LAP3: variants seen among roughly 807,000 people sequenced by gnomAD.
LAP3 encodes the protein leucine aminopeptidase 3.
In LAP3, 46 loss-of-function variants were observed where a neutral mutation model predicts 58.8. That is an observed-to-expected ratio of 0.78 (90% CI 0.62 to 1.00). The LOEUF is 1.00. Ranked by LOEUF, LAP3 falls within the 50% of genes least tolerant of loss-of-function variation. The pLI is 0.00. For synonymous variants in LAP3, 257 were observed against 237.7 expected (o/e 1.08, Z -0.75); for missense variants, 615 against 659.1 (o/e 0.93, Z 0.73).
rs1713471932 is a variant in LAP3, at chr4:17,585,131, T to C, written c.699T>C (p.His233=). 2.5e-6 allele frequency: 4 copies of C among 1,611,980 alleles called. No individual in the cohort carries two copies. ...LKSASSKTEV[H]IRPKSWIEEQ... ...GTGCTAGTAGTAAAACCGAGGTCCA[T>C]ATCAGGTAATTCAGGATTGTGTCAC... is the stretch of plus-strand genomic sequence containing the variant. The change falls in exon 6 of 13, where the codon CAT becomes CAC. Residue 233 remains histidine, a synonymous_variant. Transcript: ENST00000226299.
chr4:17,591,991 T>C (rs1179966488), intron 7 of LAP3, among the ~76,000 whole-genome samples: 1 of 151,988 alleles, frequency 6.6e-6, no homozygotes, highest in Non-Finnish European at 1.5e-5. Flanking sequence ...TGCAGTGGCA[T>C]ACACCTGTAA....
intron 11 of LAP3, 89 bp from the exon 12 acceptor site, chr4:17,606,740 C>T: frequency 1.3e-6 from 1 of 753,448 alleles, no homozygotes; most frequent in Non-Finnish European, 2.3e-6. Flanking sequence ...GTTAGAACAA[C>T]TCTTCCTTCA....
At chr4:17,605,353 A>G (rs1447697328) in intron 11 of LAP3, among the ~76,000 whole-genome samples, 5 of 151,996 alleles carry the variant, frequency 3.3e-5, no homozygotes, top group Non-Finnish European at 7.4e-5. Context: ...CTGGTGTTCA[A>G]TTCAAGGCCA....
chr4:17,582,489 T>TA, intron 4 of LAP3, 96 bp downstream of exon 4: 1 of 849,634 alleles, frequency 1.2e-6, no homozygotes, highest in Admixed American at 2.3e-5. Context: ...TGCCACCCCT[T>TA]ACCACGTTCA....
At chr4:17,587,431 T>TG (rs1318699156) in intron 6 of LAP3, 135 of 22,780 alleles carry the variant, frequency 5.9e-3, no homozygotes, top group African/African-American at 0.012. Context: ...TTGTTGTTGT[T>TG]TTTTTTTTTT....
intron 10 of LAP3, among the ~76,000 whole-genome samples, chr4:17,599,407 G>A (rs1008628445): frequency 4.6e-5 from 7 of 152,062 alleles, no homozygotes; most frequent in African/African-American, 9.7e-5. Flanking sequence ...TGTGTGGCAC[G>A]TGCCTGTAAT....
At chr4:17,592,434 G>T (rs1180532658) in intron 7 of LAP3, among the ~76,000 whole-genome samples, 1 of 152,164 alleles carries the variant, frequency 6.6e-6, no homozygotes, top group African/African-American at 2.4e-5. Context: ...TCAATTGTAT[G>T]GAAATGCCAA....
chr4:17,580,609 C>G lies in LAP3; in HGVS notation c.218+670C>G, dbSNP rs575603170. ...CCCAGCTGCCTTCCCACCAGCCTCT[C>G]TACTTCTTTTAACTCCCCTTTTCTT... On this transcript the variant is annotated intron_variant, in intron 2 of 12. Coordinates refer to ENST00000226299, the MANE Select transcript of LAP3 (RefSeq NM_015907.3). Among the ~76,000 whole-genome samples the G allele has an allele frequency of 5.9e-5, 9 of 152,302 alleles. No individual in the cohort carries two copies. The East Asian group carries it at 1.7e-3, about 29-fold the overall frequency.
chr4:17,606,109 A>G (rs959060870), intron 11 of LAP3, among the ~76,000 whole-genome samples: 1 of 152,124 alleles, frequency 6.6e-6, no homozygotes, highest in Admixed American at 6.5e-5. Context: ...GTAAACGATG[A>G]ATGAGTGAGT....
At chr4:17,598,380 C>A (rs1248010925) in intron 9 of LAP3, 76 bp from the exon 10 acceptor site, 2 of 1,071,392 alleles carry the variant, frequency 1.9e-6, no homozygotes, top group East Asian at 2.4e-5. Context: ...ACTTTTCCGT[C>A]GAACACTGTT....
chr4:17,605,118 C>CCACA (rs10609509), intron 11 of LAP3, among the ~76,000 whole-genome samples: 1,986 of 147,018 alleles, frequency 0.014, 34 homozygotes, highest in African/African-American at 0.044. Context: ...ACCCTCACTT[C>CCACA]CACACACACA....
intron 3 of LAP3, 99 bp downstream of exon 3, chr4:17,581,913 T>C (rs1713374462): frequency 5.1e-6 from 5 of 983,918 alleles, no homozygotes; most frequent in Non-Finnish European, 6.3e-6. Flanking sequence ...ATGTGTTGGA[T>C]TGTATGATTT....
intron 2 of LAP3, among the ~76,000 whole-genome samples, chr4:17,580,186 T>TATACATATATATATATACATATATATATA (rs58358985): frequency 3.3e-5 from 1 of 30,204 alleles, no homozygotes; most frequent in African/African-American, 2.3e-4. Context: ...ATATATGTAT[T>TATACATATATATATATACATATATATATA]TTTTTTTTTT....
intron 6 of LAP3, 53 bp downstream of exon 6, chr4:17,585,189 T>C: frequency 2.7e-6 from 4 of 1,460,244 alleles, no homozygotes; most frequent in Non-Finnish European, 3.8e-6. Context: ...AAGGAGCCCT[T>C]GAGATCCTAA....
At chr4:17,584,480 G>A (rs1208402112) in intron 5 of LAP3, among the ~76,000 whole-genome samples, 3 of 152,304 alleles carry the variant, frequency 2.0e-5, no homozygotes, top group East Asian at 3.9e-4. Context: ...TCCTGCTTAC[G>A]AATGGGTTGG....
chr4:17,583,678 C>T (rs1713426250), intron 5 of LAP3, 36 bp downstream of exon 5: 3 of 1,611,030 alleles, frequency 1.9e-6, no homozygotes, highest in Admixed American at 1.7e-5. Context: ...GTGGTGCTCC[C>T]TGGCGTTCTG....
rs960797931 is a variant in LAP3, at chr4:17,577,257, T to G, written c.-209T>G. Reference sequence around the variant, plus strand: ...ACACGAATGCGGGCGCACCCTTGAGTCCCCTCCACAACCGCGGTTTGATCC... The same window carrying G: ...ACACGAATGCGGGCGCACCCTTGAGGCCCCTCCACAACCGCGGTTTGATCC... On this transcript the variant is annotated 5_prime_UTR_variant, in exon 1 of 13. Transcript: ENST00000226299. 3 of 154,140 alleles carry G rather than the reference T, an allele frequency of 1.9e-5. No individual in the cohort carries two copies. The highest frequency in any genetic ancestry group is 2.2e-5 in the Non-Finnish European group (2 of 92,254). 9.5% of individuals were successfully genotyped at this position (154,140 alleles called of 1,614,324 possible).
rs148646241 is a variant in LAP3 at position 17,598,626 on chromosome 4, T to G, written c.1180+68T>G. On this transcript the variant is annotated intron_variant, in intron 10 of 12. Coordinates refer to ENST00000226299, the MANE Select transcript of LAP3 (RefSeq NM_015907.3). ...TGTTCGTTGCATGGATTTCACACAC[T>G]ATACTTGTGGCATTATTTTGCTAAA... is the stretch of plus-strand genomic sequence containing the variant. The G allele has an allele frequency of 3.1e-5, 35 of 1,119,014 alleles. 1 individual carries two copies. The Admixed American group carries it at 6.2e-4, about 20-fold the overall frequency. 69.3% of individuals were successfully genotyped at this position (1,119,014 alleles called of 1,614,324 possible).
chr4:17,598,720 T>C lies in LAP3; in HGVS notation c.1180+162T>C, dbSNP rs78659735. 3.5e-4 allele frequency among the ~76,000 whole-genome samples: 53 copies of C among 152,028 alleles called. No individual in the cohort carries two copies. In the East Asian group the frequency reaches 0.01, roughly 29 times the overall value. On this transcript the variant is annotated intron_variant, in intron 10 of 12. Transcript: ENST00000226299. ...AATTGTTCTGCAGTTGTAAAATGTTTTGAATATTAGGTTTGTCGTTTTAAA... is the reference window on the plus strand; with the variant it reads ...AATTGTTCTGCAGTTGTAAAATGTTCTGAATATTAGGTTTGTCGTTTTAAA...
Sources: gnomAD v4.1 joint callset for allele counts (sites outside exome capture counted in the v4.1 genomes callset) on GRCh38, gnomAD v4.1.1 for gene constraint, MANE v1.5 for transcripts, NCBI Gene and HGNC (gene_info 2026-07-23, HGNC 2026-07-21) for gene names.